The following TENM2 variants were observed in gnomAD, a reference collection of about 807,000 sequenced individuals.
TENM2 encodes the protein teneurin-2.
Under a neutral mutation model 245.2 loss-of-function variants are expected in TENM2, and 52 were observed. The observed-to-expected ratio is 0.21, with a 90% CI of 0.17 to 0.27. The LOEUF (loss-of-function observed/expected upper bound fraction) is 0.27, where lower values mean the gene tolerates loss of function less well. Ranked by LOEUF, TENM2 falls within the 10% of genes least tolerant of loss-of-function variation. The pLI, the probability that TENM2 is intolerant of heterozygous loss-of-function variation, is 1.00. For synonymous variants in TENM2, 1,363 were observed against 1,438.9 expected (o/e 0.95, Z 1.19); for missense variants, 3,046 against 3,666.8 (o/e 0.83, Z 4.37).
chr5:167,675,156 G>C (rs1444748948), intron 2 of TENM2, among the ~76,000 whole-genome samples: 1 of 152,116 alleles, frequency 6.6e-6, no homozygotes, highest in African/African-American at 2.4e-5. Flanking sequence ...GTTTGTAAGT[G>C]CTTATAGTCT....
chr5:167,298,004 G>A (rs1349050224), intron 1 of TENM2, among the ~76,000 whole-genome samples: 4 of 151,532 alleles, frequency 2.6e-5, no homozygotes, highest in African/African-American at 7.2e-5. Context: ...GCAGGTCACA[G>A]GGGATATGAT....
At chr5:168,167,566 C>A (rs1033415619) in intron 13 of TENM2, among the ~76,000 whole-genome samples, 6 of 152,106 alleles carry the variant, frequency 3.9e-5, no homozygotes, top group African/African-American at 1.4e-4. Flanking sequence ...AGGAGGAAGC[C>A]TTTTTAGGCT....
At chr5:168,083,959 A>G (rs1792223952) in intron 7 of TENM2, among the ~76,000 whole-genome samples, 1 of 152,042 alleles carries the variant, frequency 6.6e-6, no homozygotes, top group Admixed American at 6.6e-5. Context: ...CTATTGTTCC[A>G]TCTTTATTTC....
At chr5:167,748,964 C>T (rs1435174908) in intron 2 of TENM2, among the ~76,000 whole-genome samples, 1 of 152,080 alleles carries the variant, frequency 6.6e-6, no homozygotes, top group African/African-American at 2.4e-5. Context: ...CTAGGCTGGT[C>T]TCAAATCCTT....
intron 3 of TENM2, among the ~76,000 whole-genome samples, chr5:167,929,138 GA>G (rs1778084986): frequency 7.6e-6 from 1 of 131,584 alleles, no homozygotes; most frequent in East Asian, 2.6e-4. Flanking sequence ...AGAAAAGAAA[GA>G]AGGGAGGGAG....
intron 25 of TENM2, among the ~76,000 whole-genome samples, chr5:168,229,013 A>C (rs1764562972): frequency 6.8e-6 from 1 of 147,912 alleles, no homozygotes; most frequent in Admixed American, 6.8e-5. Flanking sequence ...CATTATATGT[A>C]TACATAATAA....
intron 3 of TENM2, among the ~76,000 whole-genome samples, chr5:167,930,414 C>A (rs1321280088): frequency 6.6e-6 from 1 of 151,732 alleles, no homozygotes; most frequent in Non-Finnish European, 1.5e-5. Context: ...TAACAATTGA[C>A]TTATGGTTTA....
At chr5:168,208,339 C>T (rs949075115) in intron 19 of TENM2, among the ~76,000 whole-genome samples, 6 of 152,080 alleles carry the variant, frequency 3.9e-5, no homozygotes, top group Non-Finnish European at 5.9e-5. Flanking sequence ...CCAACTAAAC[C>T]GCTTCTCCAT....
intron 2 of TENM2, among the ~76,000 whole-genome samples, chr5:167,765,974 G>A (rs1582951308): frequency 6.6e-6 from 1 of 152,178 alleles, no homozygotes; most frequent in South Asian, 2.1e-4. Context: ...AAACACTGTT[G>A]CAACAGTGGG....
At chr5:167,360,986 G>A (rs775872430) in intron 1 of TENM2, among the ~76,000 whole-genome samples, 4 of 152,142 alleles carry the variant, frequency 2.6e-5, no homozygotes, top group Admixed American at 6.5e-5. Context: ...TTGTGATTTG[G>A]TTATGTGTAC....
At chr5:167,562,935 C>T (rs1207462355) in intron 2 of TENM2, among the ~76,000 whole-genome samples, 1 of 133,530 alleles carries the variant, frequency 7.5e-6, no homozygotes, top group African/African-American at 2.9e-5. Context: ...CCAGCCTGGG[C>T]AACAAGAGCG....
the TENM2 span, among the ~76,000 whole-genome samples, chr5:167,083,609 T>A: frequency 6.6e-6 from 1 of 152,136 alleles, no homozygotes; most frequent in African/African-American, 2.4e-5. Context: ...CCTGCCACTG[T>A]CAAGTGAAAT....
At chr5:167,321,805 G>C (rs1561861164) in intron 1 of TENM2, among the ~76,000 whole-genome samples, 8 of 7,672 alleles carry the variant, frequency 1.0e-3, no homozygotes, top group African/African-American at 3.2e-3. Flanking sequence ...TTTTTTTGGG[G>C]GGGGGGGCGG....
the TENM2 span, among the ~76,000 whole-genome samples, chr5:167,162,183 A>C: frequency 1.3e-5 from 2 of 151,982 alleles, no homozygotes; most frequent in Non-Finnish European, 2.9e-5. Flanking sequence ...AAAAAAAAAA[A>C]AACCAAAGAC....
intron 25 of TENM2, among the ~76,000 whole-genome samples, chr5:168,232,520 T>C (rs899436264): frequency 6.6e-6 from 1 of 152,160 alleles, no homozygotes; most frequent in African/African-American, 2.4e-5. Flanking sequence ...CTGCTCCCCA[T>C]GTGGAGAGCA....
At chr5:168,022,884 C>A (rs536597287) in intron 5 of TENM2, among the ~76,000 whole-genome samples, 1 of 152,268 alleles carries the variant, frequency 6.6e-6, no homozygotes, top group South Asian at 2.1e-4. Flanking sequence ...GCCCATTCTG[C>A]CCCGCTCGAA....
intron 23 of TENM2, among the ~76,000 whole-genome samples, chr5:168,219,527 T>C (rs1763479797): frequency 6.6e-6 from 1 of 152,180 alleles, no homozygotes; most frequent in African/African-American, 2.4e-5. Flanking sequence ...AATTATCTCA[T>C]ACTTAATAGT....
intron 2 of TENM2, among the ~76,000 whole-genome samples, chr5:167,702,764 AAGC>A (rs1269945690): frequency 6.6e-6 from 1 of 152,028 alleles, no homozygotes; most frequent in Admixed American, 6.6e-5. Flanking sequence ...TCCTGGGCTC[AAGC>A]GATTCTCCTG....
At chr5:168,052,630 G>C (rs1789206460) in intron 6 of TENM2, among the ~76,000 whole-genome samples, 1 of 152,028 alleles carries the variant, frequency 6.6e-6, no homozygotes, top group African/African-American at 2.4e-5. Flanking sequence ...AGGTCAGTAG[G>C]AAGCAGGTCT....
Sources: gnomAD v4.1 joint callset for allele counts (sites outside exome capture counted in the v4.1 genomes callset) on GRCh38, gnomAD v4.1.1 for gene constraint, MANE v1.5 for transcripts, NCBI Gene and HGNC (gene_info 2026-07-23, HGNC 2026-07-21) for gene names.